The following ANKIB1 variants were observed in gnomAD, a reference collection of about 807,000 sequenced individuals.
ANKIB1 encodes the protein ankyrin repeat and IBR domain containing 1.
In ANKIB1, 43 loss-of-function variants were observed where a neutral mutation model predicts 122.1. The ratio of observed to expected loss-of-function variants is 0.35; its 90% CI spans 0.28 to 0.45. The LOEUF (loss-of-function observed/expected upper bound fraction) is 0.45, where lower values mean the gene tolerates loss of function less well. ANKIB1 is among the 20% of genes least tolerant of loss of function. The pLI, the probability that ANKIB1 is intolerant of heterozygous loss-of-function variation, is 1.00. For missense variants in ANKIB1, 992 were observed against 1,329.5 expected (o/e 0.75, Z 3.95); for synonymous variants, 390 against 442.0 (o/e 0.88, Z 1.48).
At chr7:92,374,167 G>A (rs945284539) in intron 11 of ANKIB1, among the ~76,000 whole-genome samples, 1 of 152,050 alleles carries the variant, frequency 6.6e-6, no homozygotes, top group South Asian at 2.1e-4. Flanking sequence ...AATATTCTCC[G>A]ATCATAAGGG....
intron 1 of ANKIB1, among the ~76,000 whole-genome samples, chr7:92,275,089 T>C (rs1265678563): frequency 2.0e-4 from 30 of 152,260 alleles, no homozygotes; most frequent in Admixed American, 2.0e-3. Context: ...GCTTACTCAA[T>C]TTAGCTTTGC....
In ANKIB1 at chr7:92,343,686, T is replaced by C. The variant is rs1585117184; in HGVS notation, c.996+454T>C. Among the ~76,000 whole-genome samples, 6 of 152,258 alleles carry C rather than the reference T, an allele frequency of 3.9e-5. 1 individual carries two copies. Among genetic ancestry groups the C allele is most frequent in the Admixed American group, 3.9e-4 (6 of 15,280 alleles). ...ATCTCAAAATACATACACACATATA[T>C]ACATCATATTGAAATATAAAAAGAT... On this transcript the variant is annotated intron_variant, in intron 6 of 19. Transcript: ENST00000265742.
At chr7:92,357,602 G>T (rs1288573015) in intron 9 of ANKIB1, among the ~76,000 whole-genome samples, 1 of 151,494 alleles carries the variant, frequency 6.6e-6, no homozygotes, top group Non-Finnish European at 1.5e-5. Flanking sequence ...GGGCATGGTG[G>T]TGCATACCTA....
rs1166940232 is a variant in ANKIB1, at chr7:92,246,170, G to A, written c.-440G>A. Reference sequence around the variant, plus strand: ...AGCGCGCAAGGCTGGAACATGAGCCGGGCTTGACCGCGAGGCGGAGGCAAG... The same window carrying A: ...AGCGCGCAAGGCTGGAACATGAGCCAGGCTTGACCGCGAGGCGGAGGCAAG... On this transcript the variant is annotated 5_prime_UTR_variant, in exon 1 of 20. Coordinates refer to ENST00000265742, the MANE Select transcript of ANKIB1 (RefSeq NM_019004.2). 9 of 344,462 alleles carry A rather than the reference G, an allele frequency of 2.6e-5. No individual in the cohort carries two copies. Among genetic ancestry groups the A allele is most frequent in the Middle Eastern group, 9.6e-4 (1 of 1,040 alleles). The allele number at this position is 344,462 out of a possible 1,614,324, so 21.3% of individuals were successfully genotyped here. A position where few individuals can be genotyped will look rare whatever the true frequency, so the allele number is the denominator to read the frequency against.
chr7:92,344,284 A>T (rs563942819), intron 6 of ANKIB1, among the ~76,000 whole-genome samples: 1 of 137,462 alleles, frequency 7.3e-6, no homozygotes, highest in Admixed American at 8.3e-5. Context: ...GGCTCCCTGC[A>T]ACCTCCACCT....
At chr7:92,358,086 C>CA (rs1803861825) in intron 9 of ANKIB1, among the ~76,000 whole-genome samples, 1 of 151,622 alleles carries the variant, frequency 6.6e-6, no homozygotes, top group African/African-American at 2.4e-5. Context: ...ACTAAAAATA[C>CA]AAAAAATTAG....
chr7:92,370,797 T>A (rs1213303774), intron 10 of ANKIB1, among the ~76,000 whole-genome samples: 3 of 152,064 alleles, frequency 2.0e-5, no homozygotes, highest in Non-Finnish European at 2.9e-5. Context: ...GTGCCAGCAG[T>A]GTAGTTGGAG....
At chr7:92,321,778 G>A (rs1802918225) in intron 4 of ANKIB1, among the ~76,000 whole-genome samples, 1 of 152,136 alleles carries the variant, frequency 6.6e-6, no homozygotes, top group African/African-American at 2.4e-5. Flanking sequence ...AAAGAACTGA[G>A]TTTCTTGGGA....
intron 10 of ANKIB1, among the ~76,000 whole-genome samples, chr7:92,365,500 A>G (rs1381808043): frequency 1.3e-5 from 2 of 152,226 alleles, no homozygotes; most frequent in Non-Finnish European, 2.9e-5. Context: ...TGCAGACAGG[A>G]GTCCAAATCA....
intron 2 of ANKIB1, among the ~76,000 whole-genome samples, chr7:92,303,875 A>G (rs1161227924): frequency 1.3e-5 from 2 of 152,184 alleles, no homozygotes; most frequent in African/African-American, 4.8e-5. Flanking sequence ...TGTAGAAGAA[A>G]TAGAGGTAAC....
chr7:92,326,592 TGTATGACTTCTGTACTA>T (rs1803032166), intron 4 of ANKIB1, among the ~76,000 whole-genome samples: 1 of 152,160 alleles, frequency 6.6e-6, no homozygotes, highest in East Asian at 1.9e-4. Flanking sequence ...CTAGAAGCAA[TGTATGACTTCTGTACTA>T]GAATGAGTAG....
At chr7:92,351,568 T>G (rs1339139466) in intron 8 of ANKIB1, among the ~76,000 whole-genome samples, 2 of 152,152 alleles carry the variant, frequency 1.3e-5, no homozygotes, top group Non-Finnish European at 2.9e-5. Context: ...TTTCATCTTT[T>G]TTTGTCTTCA....
chr7:92,279,155 C>T (rs901445927), intron 1 of ANKIB1, among the ~76,000 whole-genome samples: 6 of 152,184 alleles, frequency 3.9e-5, no homozygotes, highest in Non-Finnish European at 8.8e-5. Flanking sequence ...TAATGCTGCA[C>T]TGATCTGACA....
At chr7:92,252,773 C>T (rs1801355136) in intron 1 of ANKIB1, among the ~76,000 whole-genome samples, 1 of 152,006 alleles carries the variant, frequency 6.6e-6, no homozygotes, top group Non-Finnish European at 1.5e-5. Context: ...ATTGATTGTG[C>T]ATTTCCTTAG....
chr7:92,347,622 C>T (rs559065319), intron 7 of ANKIB1, among the ~76,000 whole-genome samples: 3 of 152,214 alleles, frequency 2.0e-5, no homozygotes, highest in South Asian at 4.1e-4. Context: ...ATTGATTGAT[C>T]GATCAATCGA....
At chr7:92,338,899 G>C (rs1393914702) in intron 5 of ANKIB1, among the ~76,000 whole-genome samples, 1 of 79,782 alleles carries the variant, frequency 1.3e-5, no homozygotes, top group Non-Finnish European at 2.2e-5. Flanking sequence ...GCGACAGAGT[G>C]AGACTCCATC....
At chr7:92,351,548 A>G (rs906786131) in intron 8 of ANKIB1, among the ~76,000 whole-genome samples, 8 of 152,256 alleles carry the variant, frequency 5.3e-5, no homozygotes, top group African/African-American at 1.7e-4. Context: ...ATAATGAATT[A>G]TAATGTTTAT....
At chr7:92,251,890 T>A (rs1032371427) in intron 1 of ANKIB1, among the ~76,000 whole-genome samples, 1 of 152,236 alleles carries the variant, frequency 6.6e-6, no homozygotes, top group African/African-American at 2.4e-5. Context: ...CGCAGGATCC[T>A]ATCCAGGAAT....
chr7:92,330,828 C>T (rs866939884), intron 5 of ANKIB1, among the ~76,000 whole-genome samples: 3 of 151,872 alleles, frequency 2.0e-5, no homozygotes, highest in Admixed American at 6.6e-5. Context: ...GACGACAGAG[C>T]GAGACTCTGT....
Sources: gnomAD v4.1 joint callset for allele counts (sites outside exome capture counted in the v4.1 genomes callset) on GRCh38, gnomAD v4.1.1 for gene constraint, MANE v1.5 for transcripts, NCBI Gene and HGNC (gene_info 2026-07-23, HGNC 2026-07-21) for gene names.